Variants in SLC39A10 observed in about 807,000 individuals in gnomAD.
The protein encoded by SLC39A10 is solute carrier family 39 member 10, also known as zinc transporter ZIP10.
Under a neutral mutation model 65.1 loss-of-function variants are expected in SLC39A10, and 13 were observed. The ratio of observed to expected loss-of-function variants is 0.20; its 90% confidence interval spans 0.13 to 0.32. SLC39A10 has a LOEUF of 0.32. SLC39A10 is among the 10% of genes least tolerant of loss of function. SLC39A10 has a pLI of 1.00. For synonymous variants in SLC39A10, 321 were observed against 342.2 expected, an observed-to-expected ratio of 0.94 and a Z score of 0.68; for missense variants, 831 against 1,018.4, an observed-to-expected ratio of 0.82 and a Z score of 2.50.
chr2:195,635,051 AAAAAAACAAAACAAAAC>A (rs1235286782), intron 2 of SLC39A10, among the ~76,000 whole-genome samples: 31 of 152,256 alleles, frequency 2.0e-4, no homozygotes, highest in Non-Finnish European at 2.9e-4. Flanking sequence ...TTTGTCTCCA[AAAAAAACAAAACAAAAC>A]AAAAAACAAA....
In SLC39A10 at chr2:195,714,027, T is replaced by C. The variant is rs1691696382; in HGVS notation, c.1696+474T>C. 2.0e-5 allele frequency among the ~76,000 whole-genome samples: 3 copies of C among 151,898 alleles called. No homozygotes were observed. In the South Asian group the frequency reaches 6.2e-4, roughly 32 times the overall value. On this transcript the variant is annotated intron_variant, in intron 6 of 9. Transcript: ENST00000359634. Reference sequence around the variant, plus strand: ...CTGCAAGCTCCGCCTCCCGGGTTCATGCCATTCTCCTGCCTCAGCCTCCCC... The same window carrying C: ...CTGCAAGCTCCGCCTCCCGGGTTCACGCCATTCTCCTGCCTCAGCCTCCCC...
chr2:195,679,068 TA>T (rs1414253041), intron 1 of SLC39A10, among the ~76,000 whole-genome samples: 1 of 152,188 alleles, frequency 6.6e-6, no homozygotes, highest in Non-Finnish European at 1.5e-5. Context: ...GTTGAGCAAT[TA>T]AAACATAGTC....
Position 195,706,605 on chromosome 2 carries a change from CT to C in SLC39A10, c.1217-7del. On this transcript the variant is annotated splice_polypyrimidine_tract_variant and intron_variant, in intron 3 of 9. Transcript: ENST00000359634. Reference sequence around the variant, plus strand: ...TTATACTAATGTTGACTCTTAATTTCTTTTCTACAGCCTGGATTTGTGGTAT... The same window carrying C: ...TTATACTAATGTTGACTCTTAATTTCTTTCTACAGCCTGGATTTGTGGTAT... 6.2e-7 allele frequency: 1 copy of C among 1,606,782 alleles called. No homozygotes were observed. The highest frequency in any genetic ancestry group is 2.3e-5 in the East Asian group (1 of 44,202).
At chr2:195,725,803 C>T (rs148364386) in intron 8 of SLC39A10, among the ~76,000 whole-genome samples, 7 of 152,196 alleles carry the variant, frequency 4.6e-5, no homozygotes, top group African/African-American at 1.7e-4. Context: ...TACACAGTAA[C>T]ACGAATGAGT....
intron 6 of SLC39A10, among the ~76,000 whole-genome samples, chr2:195,715,247 G>A (rs1691749231): frequency 6.6e-6 from 1 of 152,064 alleles, no homozygotes; most frequent in Non-Finnish European, 1.5e-5. Context: ...AAGACTAGTG[G>A]CTGGGTGCGG....
rs930198499 is a variant in SLC39A10 at position 195,657,288 on chromosome 2, A to G, written c.-12+7A>G. 5 of 710,482 alleles carry G rather than the reference A, an allele frequency of 7.0e-6. No individual in the cohort carries two copies. The highest frequency in any genetic ancestry group is 1.9e-5 in the African/African-American group (1 of 51,952). 44.0% of individuals were successfully genotyped at this position (710,482 alleles called of 1,614,324 possible). ...CACGGCACTCGAGTGTGAGGTAACT[A>G]TAAAACCCCGATTTGTTTACATTCC... On this transcript the variant is annotated splice_region_variant and intron_variant, in intron 1 of 9. Coordinates refer to ENST00000359634, the MANE Select transcript of SLC39A10 (RefSeq NM_020342.3).
intron 9 of SLC39A10, among the ~76,000 whole-genome samples, chr2:195,729,993 C>T (rs115788354): frequency 0.023 from 2,166 of 93,398 alleles, 56 homozygotes; most frequent in African/African-American, 0.079. Flanking sequence ...TTTGTAGACA[C>T]GGAGTCTCAC....
intron 2 of SLC39A10, among the ~76,000 whole-genome samples, chr2:195,632,181 C>T (rs557912400): frequency 1.4e-3 from 209 of 152,068 alleles, no homozygotes; most frequent in African/African-American, 4.5e-3. Context: ...GCATGAGCCA[C>T]CACACCCATC....
intron 1 of SLC39A10, among the ~76,000 whole-genome samples, chr2:195,665,555 T>C (rs1689603188): frequency 6.6e-6 from 1 of 152,198 alleles, no homozygotes; most frequent in African/African-American, 2.4e-5. Context: ...GTGACATTAT[T>C]TTATTGGTTT....
chr2:195,727,838 C>T (rs978884549), intron 8 of SLC39A10, among the ~76,000 whole-genome samples: 3 of 152,136 alleles, frequency 2.0e-5, no homozygotes, highest in African/African-American at 4.8e-5. Context: ...ACCCTTGCCC[C>T]GTGCTCTTCC....
chr2:195,657,494 T>G, intron 1 of SLC39A10: 4 of 985,288 alleles, frequency 4.1e-6, no homozygotes, highest in Non-Finnish European at 4.8e-6. Context: ...GTGGGCAGAG[T>G]GTTGGGCGCC....
At position 195,617,709 on chromosome 2, in the gene SLC39A10, C is replaced by CTTTTA. The variant is rs1452108690; in HGVS notation, c.-12+11480_-12+11481insATTTT. 4.5e-3 allele frequency among the ~76,000 whole-genome samples: 652 copies of CTTTTA among 144,008 alleles called. 4 individuals carry two copies. Among genetic ancestry groups the CTTTTA allele is most frequent in the African/African-American group, 0.014 (561 of 38,840 alleles). The allele number at this position is 144,008 out of a possible 152,430, so 94.5% of individuals were successfully genotyped here. On this transcript the variant is annotated intron_variant, in intron 2 of 2. Coordinates refer to the SLC39A10 transcript ENST00000458054. The stretch of plus-strand genomic sequence containing the variant: ...AACATAGTGAGACCTTGTTTCTTTT[C>CTTTTA]TTTTCTTTTCTTTTCTTTTATTTTA...
At position 195,708,663 on chromosome 2, in the gene SLC39A10, G is replaced by C; in HGVS notation, c.1394G>C (p.Gly465Ala). 6.3e-7 allele frequency: 1 copy of C among 1,593,012 alleles called. No homozygotes were observed. The highest frequency in any genetic ancestry group is 1.7e-4 in the Middle Eastern group (1 of 5,998). The change falls in exon 5 of 10, where the codon GGT becomes GCT. Residue 465 changes from glycine (G) to alanine (A), a missense_variant. Coordinates refer to ENST00000359634, the MANE Select transcript of SLC39A10 (RefSeq NM_020342.3). ...ALLHLLPHSQGGHDHSHQHAH... is the reference protein window; with the variant it reads ...ALLHLLPHSQAGHDHSHQHAH... ...ATTTGTTCTTATTAATAGTCTCAGG[G>C]TGGACATGATCACAGTCACCAACAT...
chr2:195,618,692 T>C (rs537205536), intron 2 of SLC39A10, among the ~76,000 whole-genome samples: 5 of 152,224 alleles, frequency 3.3e-5, no homozygotes, highest in Non-Finnish European at 7.3e-5. Context: ...TAGCAAGAGA[T>C]ATGTCTGAAA....
chr2:195,633,781 C>T (rs529367512), intron 2 of SLC39A10, among the ~76,000 whole-genome samples: 1 of 152,240 alleles, frequency 6.6e-6, no homozygotes, highest in East Asian at 1.9e-4. Flanking sequence ...AACTACTTCT[C>T]TCCAACATTC....
rs1358232022 is a variant in SLC39A10, at chr2:195,719,151, A to G, written c.2146+819A>G. Among the ~76,000 whole-genome samples, 5 of 150,410 alleles carry G rather than the reference A, an allele frequency of 3.3e-5. No homozygotes were observed. The East Asian group carries it at 9.7e-4, about 29-fold the overall frequency. On this transcript the variant is annotated intron_variant, in intron 8 of 9. Coordinates refer to ENST00000359634, the MANE Select transcript of SLC39A10 (RefSeq NM_020342.3). The stretch of plus-strand genomic sequence containing the variant: ...GGACTTCATTCTTTTTTTTTTTCGA[A>G]TGCATTTCCCATTTGCCCTTAGAAA...
At chr2:195,713,373 T>A in intron 5 of SLC39A10, 60 bp from the exon 6 acceptor site, 1 of 1,357,260 alleles carries the variant, frequency 7.4e-7, no homozygotes. Flanking sequence ...TCAATATTGT[T>A]GCTAATTGTG....
intron 2 of SLC39A10, among the ~76,000 whole-genome samples, chr2:195,633,208 G>A (rs1435952123): frequency 1.3e-5 from 2 of 152,236 alleles, no homozygotes; most frequent in Non-Finnish European, 2.9e-5. Flanking sequence ...TAGAGTGTGG[G>A]CACTAGAACT....
intron 2 of SLC39A10, among the ~76,000 whole-genome samples, chr2:195,616,244 C>T (rs918834232): frequency 6.6e-6 from 1 of 152,138 alleles, no homozygotes; most frequent in African/African-American, 2.4e-5. Context: ...CGTGAGCCAC[C>T]GTGCCCAGCC....
Sources: allele counts gnomAD v4.1 joint callset (sites outside exome capture counted in the v4.1 genomes callset), GRCh38; gene constraint gnomAD v4.1.1; transcripts MANE v1.5; gene names NCBI Gene and HGNC (gene_info 2026-07-23, HGNC 2026-07-21).